ARHGAP15: variants seen among roughly 807,000 people sequenced by gnomAD.
ARHGAP15 encodes the protein Rho GTPase activating protein 15.
A neutral mutation model predicts 63.7 loss-of-function variants in ARHGAP15; 51 were observed. The observed-to-expected ratio is 0.80, with a 90% confidence interval of 0.64 to 1.01. ARHGAP15 has a LOEUF of 1.01. Ranked by LOEUF, ARHGAP15 falls within the 50% of genes least tolerant of loss-of-function variation. The pLI, the probability that ARHGAP15 is intolerant of heterozygous loss-of-function variation, is 0.00. For missense variants in ARHGAP15, 560 were observed against 564.6 expected (o/e 0.99, Z 0.08); for synonymous variants, 191 against 193.8 (o/e 0.99, Z 0.12).
At chr2:143,483,312 G>A (rs530509150) in intron 8 of ARHGAP15, among the ~76,000 whole-genome samples, 27 of 151,956 alleles carry the variant, frequency 1.8e-4, no homozygotes, top group Admixed American at 4.6e-4. Context: ...GCATTTATAC[G>A]TCATGTGTGT....
intron 6 of ARHGAP15, among the ~76,000 whole-genome samples, chr2:143,265,351 T>C (rs903926664): frequency 6.6e-6 from 1 of 152,014 alleles, no homozygotes; most frequent in African/African-American, 2.4e-5. Context: ...AGAGCTACAG[T>C]TGGAAAATCT....
At chr2:143,723,476 T>C (rs566212976) in intron 13 of ARHGAP15, among the ~76,000 whole-genome samples, 1 of 152,286 alleles carries the variant, frequency 6.6e-6, no homozygotes, top group South Asian at 2.1e-4. Context: ...TAGGGCAGCT[T>C]TGAAGTAGGT....
chr2:143,279,465 G>T (rs538412365), intron 6 of ARHGAP15, among the ~76,000 whole-genome samples: 2 of 152,220 alleles, frequency 1.3e-5, no homozygotes, highest in Admixed American at 6.5e-5. Flanking sequence ...TGTGACCCGG[G>T]CCTATTTTTG....
intron 6 of ARHGAP15, among the ~76,000 whole-genome samples, chr2:143,300,957 T>C (rs1223723894): frequency 6.6e-6 from 1 of 151,980 alleles, no homozygotes; most frequent in Non-Finnish European, 1.5e-5. Flanking sequence ...ATGAATACCT[T>C]AATGTGTATG....
chr2:143,313,283 T>C (rs1006048355), intron 6 of ARHGAP15, among the ~76,000 whole-genome samples: 1 of 152,152 alleles, frequency 6.6e-6, no homozygotes, highest in Non-Finnish European at 1.5e-5. Context: ...ATGAAGACTG[T>C]TGATTTGTTT....
At chr2:143,207,380 T>C (rs982279293) in intron 3 of ARHGAP15, among the ~76,000 whole-genome samples, 4 of 152,020 alleles carry the variant, frequency 2.6e-5, no homozygotes, top group Admixed American at 2.0e-4. Flanking sequence ...AAAACAATAA[T>C]TTTTAAGTTT....
intron 13 of ARHGAP15, among the ~76,000 whole-genome samples, chr2:143,764,289 C>T (rs1686876651): frequency 6.6e-6 from 1 of 152,188 alleles, no homozygotes; most frequent in Non-Finnish European, 1.5e-5. Flanking sequence ...GAGAAGCCTT[C>T]TCCCAAGGGA....
chr2:143,587,772 A>G (rs1249657932), intron 11 of ARHGAP15: 1 of 470,470 alleles, frequency 2.1e-6, no homozygotes, highest in African/African-American at 2.0e-5. Context: ...CACAGTGGTC[A>G]TTTGACCTCC....
chr2:143,500,676 G>A lies in ARHGAP15; in HGVS notation c.826+13181G>A, dbSNP rs182003263. On this transcript the variant is annotated intron_variant, in intron 9 of 13. Transcript: ENST00000295095. ...CCCAAAATTATAATGTATATACCTG[G>A]ACCACATCTTAAAATTGCAGACTCA... Among the ~76,000 whole-genome samples, 17 of 152,126 alleles carry A rather than the reference G, an allele frequency of 1.1e-4. No individual in the cohort carries two copies. The South Asian group carries it at 1.2e-3, about 11-fold the overall frequency.
chr2:143,740,051 T>C lies in ARHGAP15; in HGVS notation c.1245-27938T>C, dbSNP rs1685902819. Among the ~76,000 whole-genome samples the C allele has an allele frequency of 3.3e-5, 5 of 152,296 alleles. 1 individual carries two copies. The South Asian group carries it at 1.0e-3, about 32-fold the overall frequency. ...TGCAGAGAATTTGGTTCTCTTTTTTTCTAGCTGTGTTTGAGAGATTATGTT... is the reference window on the plus strand; with the variant it reads ...TGCAGAGAATTTGGTTCTCTTTTTTCCTAGCTGTGTTTGAGAGATTATGTT... On this transcript the variant is annotated intron_variant, in intron 13 of 13. Transcript: ENST00000295095.
intron 6 of ARHGAP15, among the ~76,000 whole-genome samples, chr2:143,328,652 G>A (rs951865346): frequency 1.3e-5 from 2 of 152,116 alleles, no homozygotes; most frequent in Admixed American, 1.3e-4. Context: ...GTTGATGGGT[G>A]CAGCAAACCA....
intron 2 of ARHGAP15, among the ~76,000 whole-genome samples, chr2:143,175,257 A>G (rs539551726): frequency 6.6e-6 from 1 of 152,308 alleles, no homozygotes; most frequent in Non-Finnish European, 1.5e-5. Context: ...GAAGAGCACA[A>G]GTATTAGCAG....
rs182602854 is a variant in ARHGAP15 at position 143,404,006 on chromosome 2, T to A, written c.475-31595T>A. 5.9e-4 allele frequency among the ~76,000 whole-genome samples: 90 copies of A among 151,870 alleles called. 1 individual carries two copies. Among genetic ancestry groups the A allele is most frequent in the Non-Finnish European group, 1.0e-3 (71 of 67,836 alleles). On this transcript the variant is annotated intron_variant, in intron 6 of 13. Coordinates refer to ENST00000295095, the MANE Select transcript of ARHGAP15 (RefSeq NM_018460.4). ...TGAGAGTAGATTGCAATTTCTCTAG[T>A]TTAAATGGAAAATCCCCATAATGTT...
At chr2:143,763,902 A>G (rs1488000343) in intron 13 of ARHGAP15, among the ~76,000 whole-genome samples, 1 of 150,896 alleles carries the variant, frequency 6.6e-6, no homozygotes, top group Non-Finnish European at 1.5e-5. Flanking sequence ...TTCTTTCTTA[A>G]TGACTCTTAA....
At chr2:143,386,337 T>G (rs552750230) in intron 6 of ARHGAP15, among the ~76,000 whole-genome samples, 2 of 152,296 alleles carry the variant, frequency 1.3e-5, no homozygotes, top group African/African-American at 4.8e-5. Flanking sequence ...ATGAGCCATA[T>G]ATCAAAAAAT....
intron 10 of ARHGAP15, among the ~76,000 whole-genome samples, chr2:143,552,387 G>T (rs1695603239): frequency 6.6e-6 from 1 of 152,056 alleles, no homozygotes; most frequent in African/African-American, 2.4e-5. Flanking sequence ...CCATATTTTG[G>T]CAGATAAGCC....
intron 12 of ARHGAP15, among the ~76,000 whole-genome samples, chr2:143,697,413 A>C (rs1240513438): frequency 6.6e-6 from 1 of 152,172 alleles, no homozygotes; most frequent in Non-Finnish European, 1.5e-5. Context: ...TGAAATATTT[A>C]ATTCTACGAA....
Position 143,487,501 on chromosome 2 carries a change from G to C in ARHGAP15, c.826+6G>C. The C allele has an allele frequency of 6.2e-7, 1 of 1,611,188 alleles. No homozygotes were observed. The highest frequency in any genetic ancestry group is 8.5e-7 in the Non-Finnish European group (1 of 1,179,080). ...AGAAAAAGGACTTATTAAAGGTACA[G>C]GTCATTTTATACTTGTACTATAACT... On this transcript the variant is annotated splice_donor_region_variant and intron_variant, in intron 9 of 13. Transcript: ENST00000295095.
chr2:143,609,872 G>A (rs1048940696), intron 11 of ARHGAP15, among the ~76,000 whole-genome samples: 9 of 152,268 alleles, frequency 5.9e-5, no homozygotes, highest in African/African-American at 2.2e-4. Context: ...TTGGTGCCAT[G>A]AGCAATAAAT....
Sources: allele counts gnomAD v4.1 joint callset (sites outside exome capture counted in the v4.1 genomes callset), GRCh38; gene constraint gnomAD v4.1.1; transcripts MANE v1.5; gene names NCBI Gene and HGNC (gene_info 2026-07-23, HGNC 2026-07-21).